The following OR9Q1 variants were observed in gnomAD, a reference collection of about 807,000 sequenced individuals.
OR9Q1 encodes the protein olfactory receptor 9Q1.
For missense variants in OR9Q1, 374 were observed against 378.8 expected, an observed-to-expected ratio of 0.99 and a Z score of 0.11; for synonymous variants, 153 against 148.6, an observed-to-expected ratio of 1.03 and a Z score of -0.22.
intron 2 of OR9Q1, among the ~76,000 whole-genome samples, chr11:58,099,686 G>C (rs1043801785): frequency 3.3e-5 from 5 of 152,036 alleles, no homozygotes; most frequent in African/African-American, 1.2e-4. Context: ...TGGTTGATCG[G>C]CTTCATCCAT....
At chr11:58,093,744 A>T (rs921557779) in intron 2 of OR9Q1, among the ~76,000 whole-genome samples, 7 of 129,432 alleles carry the variant, frequency 5.4e-5, no homozygotes, top group Non-Finnish European at 1.1e-4. Context: ...TGGATGACAG[A>T]GCGAGACTTC....
In OR9Q1 at chr11:58,101,279, C is replaced by T. The variant is rs971048560; in HGVS notation, c.-15+45332C>T. ...GCAGTGTGTAAGCATTCCTTTTTTG[C>T]CACATCCATGCCAACATTTATTGTT... On this transcript the variant is annotated intron_variant, in intron 2 of 2. Coordinates refer to ENST00000335397, the MANE Select transcript of OR9Q1 (RefSeq NM_001005212.4). Among the ~76,000 whole-genome samples, 11 of 152,070 alleles carry T rather than the reference C, an allele frequency of 7.2e-5. No individual in the cohort carries two copies. In the East Asian group the frequency reaches 2.1e-3, roughly 29 times the overall value.
chr11:58,138,128 C>A (rs1007764357), intron 2 of OR9Q1, among the ~76,000 whole-genome samples: 3 of 152,156 alleles, frequency 2.0e-5, no homozygotes, highest in African/African-American at 7.2e-5. Context: ...TCACCGTCAA[C>A]TGCCATCCCC....
chr11:58,116,891 A>G (rs1215943521), intron 2 of OR9Q1: 1 of 152,262 alleles, frequency 6.6e-6, no homozygotes, highest in Non-Finnish European at 1.5e-5. Flanking sequence ...ATAAAATAAC[A>G]TATTCACTTA....
chr11:58,174,460 CA>C (rs948853550), intron 2 of OR9Q1, among the ~76,000 whole-genome samples: 1 of 151,968 alleles, frequency 6.6e-6, no homozygotes, highest in Admixed American at 6.6e-5. Flanking sequence ...CTTATTACAA[CA>C]CAAGAGCTAA....
intron 2 of OR9Q1, among the ~76,000 whole-genome samples, chr11:58,066,189 G>A (rs2120007351): frequency 6.6e-6 from 1 of 151,966 alleles, no homozygotes; most frequent in South Asian, 2.1e-4. Context: ...TCCGGAGGCT[G>A]CTGGAACTTG....
chr11:58,072,379 C>T (rs1005724772), intron 2 of OR9Q1: 1 of 153,476 alleles, frequency 6.5e-6, no homozygotes, highest in African/African-American at 2.4e-5. Context: ...TCTTAATTTT[C>T]ATTTCTGGCT....
At position 58,068,902 on chromosome 11, in the gene OR9Q1, C is replaced by T. The variant is rs142365188; in HGVS notation, c.-15+12955C>T. On this transcript the variant is annotated intron_variant, in intron 2 of 2. Transcript: ENST00000335397. ...CGGGAAAAGTGCAGCGCTGGAGATT[C>T]GCATCCATGAATATAAATTGTCCAA... Among the ~76,000 whole-genome samples, 189 of 152,164 alleles carry T rather than the reference C, an allele frequency of 1.2e-3. No individual in the cohort carries two copies. In the Middle Eastern group the frequency reaches 0.027, roughly 22 times the overall value.
chr11:58,120,802 C>CTATATATA (rs1216448405), intron 2 of OR9Q1, among the ~76,000 whole-genome samples: 1 of 72,950 alleles, frequency 1.4e-5, no homozygotes, highest in Admixed American at 1.7e-4. Flanking sequence ...TATTTCAATA[C>CTATATATA]CATATATATA....
rs763430236 is a variant in OR9Q1, at chr11:58,180,251, G to C, written c.807G>C (p.Lys269Asn). ...GTAACTCAGATCAGTCTTCGGAGAA[G>C]AATCGGGTAGTGTCTGTGCTTTACA... Reference protein sequence around the residue: ...LRGNSDQSSEKNRVVSVLYTE... With the variant: ...LRGNSDQSSENNRVVSVLYTE... Residue 269 changes from lysine (K) to asparagine (N), a missense_variant, in exon 3 of 3, where the codon AAG becomes AAC. Coordinates refer to ENST00000335397, the MANE Select transcript of OR9Q1 (RefSeq NM_001005212.4). The C allele has an allele frequency of 1.9e-6, 3 of 1,614,118 alleles. No individual in the cohort carries two copies. The highest frequency in any genetic ancestry group is 4.5e-5 in the East Asian group (2 of 44,880).
intron 1 of OR9Q1, among the ~76,000 whole-genome samples, chr11:58,026,997 A>T (rs1852982350): frequency 6.6e-6 from 1 of 152,216 alleles, no homozygotes. Flanking sequence ...GGTGTCAGGC[A>T]GTAGAGGAAG....
intron 2 of OR9Q1, among the ~76,000 whole-genome samples, chr11:58,162,823 T>C (rs1854468389): frequency 6.6e-6 from 1 of 152,170 alleles, no homozygotes; most frequent in East Asian, 1.9e-4. Flanking sequence ...TTCAGCAGAA[T>C]GGGGAGAATC....
chr11:58,102,819 G>T (rs1047365406), intron 2 of OR9Q1, among the ~76,000 whole-genome samples: 3 of 151,948 alleles, frequency 2.0e-5, no homozygotes, highest in African/African-American at 7.2e-5. Flanking sequence ...CAAGACTTTG[G>T]AAATTTTCAG....
chr11:58,151,162 T>C (rs1486415919), intron 2 of OR9Q1, among the ~76,000 whole-genome samples: 1 of 152,202 alleles, frequency 6.6e-6, no homozygotes, highest in East Asian at 1.9e-4. Flanking sequence ...GCATCGTTTG[T>C]TGAAAAGGCA....
intron 1 of OR9Q1, among the ~76,000 whole-genome samples, 197 bp from the exon 2 acceptor site, chr11:58,055,673 G>A (rs1853320091): frequency 6.6e-6 from 1 of 151,946 alleles, no homozygotes; most frequent in Non-Finnish European, 1.5e-5. Context: ...GGTGGCATGT[G>A]CCTGTAGTCC....
chr11:58,135,043 A>G (rs1028460410), intron 2 of OR9Q1, among the ~76,000 whole-genome samples: 8 of 152,104 alleles, frequency 5.3e-5, no homozygotes, highest in Non-Finnish European at 1.2e-4. Context: ...CATCCCCACA[A>G]CACTCCTGTG....
intron 2 of OR9Q1, among the ~76,000 whole-genome samples, chr11:58,141,903 G>A (rs1023024322): frequency 1.3e-5 from 2 of 152,136 alleles, no homozygotes; most frequent in African/African-American, 4.8e-5. Context: ...TTATCAGAAG[G>A]CTAACACTTC....
At chr11:58,092,386 G>A (rs1853693022) in intron 2 of OR9Q1, among the ~76,000 whole-genome samples, 1 of 150,684 alleles carries the variant, frequency 6.6e-6, no homozygotes. Flanking sequence ...TTTTTGATGT[G>A]CAATTTTTTT....
chr11:58,125,076 A>G (rs1055168231), intron 2 of OR9Q1, among the ~76,000 whole-genome samples: 3 of 152,156 alleles, frequency 2.0e-5, no homozygotes, highest in African/African-American at 7.2e-5. Flanking sequence ...ATTCTACTCC[A>G]GCATAATTAC....
Sources: allele counts gnomAD v4.1 joint callset (sites outside exome capture counted in the v4.1 genomes callset), GRCh38; gene constraint gnomAD v4.1.1; transcripts MANE v1.5; gene names NCBI Gene and HGNC (gene_info 2026-07-23, HGNC 2026-07-21).